The following CCDC33 variants were observed in gnomAD, a reference collection of about 807,000 sequenced individuals.
The protein encoded by CCDC33 is coiled-coil domain containing 33.
A neutral mutation model predicts 91.9 loss-of-function variants in CCDC33; 94 were observed. The ratio of observed to expected loss-of-function variants is 1.02; its 90% CI spans 0.87 to 1.21. The LOEUF (loss-of-function observed/expected upper bound fraction) is 1.21. Ranked by LOEUF, CCDC33 falls within the 50% of genes most tolerant of loss-of-function variation. CCDC33 has a pLI of 0.00. For missense variants in CCDC33, 940 were observed against 935.5 expected (o/e 1.00, Z -0.06); for synonymous variants, 396 against 374.5 (o/e 1.06, Z -0.66).
intron 2 of CCDC33, among the ~76,000 whole-genome samples, chr15:74,257,995 TGAG>T (rs890080161): frequency 2.6e-5 from 4 of 152,172 alleles, no homozygotes; most frequent in Admixed American, 1.3e-4. Flanking sequence ...GGAAGCAGGT[TGAG>T]GAGAATTGCC....
intron 11 of CCDC33, among the ~76,000 whole-genome samples, chr15:74,314,922 G>T (rs968106292): frequency 1.3e-5 from 2 of 152,188 alleles, no homozygotes; most frequent in Non-Finnish European, 2.9e-5. Flanking sequence ...AGCCAGGCAG[G>T]GCCCAGAGAA....
At chr15:74,273,830 ATTTTTT>A (rs34131427) in intron 7 of CCDC33, among the ~76,000 whole-genome samples, 1 of 132,468 alleles carries the variant, frequency 7.5e-6, no homozygotes, top group East Asian at 2.3e-4. Flanking sequence ...GCAGTCTTGA[ATTTTTT>A]TTTTTTTTTT....
chr15:74,256,784 T>A (rs1173902236), intron 2 of CCDC33, among the ~76,000 whole-genome samples: 1 of 152,200 alleles, frequency 6.6e-6, no homozygotes, highest in African/African-American at 2.4e-5. Flanking sequence ...GGTGCAACAA[T>A]GCCCAGAACA....
chr15:74,313,199 G>A (rs2060024051), intron 11 of CCDC33, among the ~76,000 whole-genome samples: 1 of 152,102 alleles, frequency 6.6e-6, no homozygotes. Context: ...GAGTGGGGTG[G>A]GTCATGGCCT....
upstream of CCDC33, chr15:74,213,203 G>C (rs1423764666): frequency 7.2e-6 from 1 of 139,328 alleles, no homozygotes. Context: ...GCGAGAGAGC[G>C]AGACTCTGTC....
Position 74,280,103 on chromosome 15 carries a change from C to G in CCDC33, c.889+11C>G. 6.2e-7 allele frequency: 1 copy of G among 1,613,766 alleles called. No homozygotes were observed. Reference sequence around the variant, plus strand: ...ACTCCTCAACTTCAAGTACGTGACCCCTGGTGCCTCGCCAGGGCAGCCATG... The same window carrying G: ...ACTCCTCAACTTCAAGTACGTGACCGCTGGTGCCTCGCCAGGGCAGCCATG... On this transcript the variant is annotated intron_variant, in intron 8 of 18. Coordinates refer to ENST00000398814, the MANE Select transcript of CCDC33 (RefSeq NM_025055.5).
intron 2 of CCDC33, among the ~76,000 whole-genome samples, chr15:74,228,777 C>T (rs2074877957): frequency 6.6e-6 from 1 of 152,250 alleles, no homozygotes; most frequent in Admixed American, 6.5e-5. Flanking sequence ...TTTCCAGGCT[C>T]CTCTCTTCCA....
At chr15:74,240,634 T>G (rs1488979202) in intron 1 of CCDC33, among the ~76,000 whole-genome samples, 1 of 152,108 alleles carries the variant, frequency 6.6e-6, no homozygotes, top group Non-Finnish European at 1.5e-5. Context: ...GGAGTCTCAC[T>G]CTATCACCCA....
chr15:74,327,042 G>A (rs55766734), intron 11 of CCDC33, among the ~76,000 whole-genome samples: 10,263 of 152,176 alleles, frequency 0.067, 725 homozygotes, highest in African/African-American at 0.18. Context: ...GGGAAAGCAG[G>A]TCCTTCAGTT....
At chr15:74,221,898 C>T (rs1333061116) in intron 2 of CCDC33, among the ~76,000 whole-genome samples, 1 of 152,146 alleles carries the variant, frequency 6.6e-6, no homozygotes, top group Non-Finnish European at 1.5e-5. Context: ...AGGTTTGAGA[C>T]CATAGAGCTA....
intron 1 of CCDC33, among the ~76,000 whole-genome samples, chr15:74,208,235 C>T (rs540672758): frequency 6.6e-6 from 1 of 152,216 alleles, no homozygotes; most frequent in African/African-American, 2.4e-5. Flanking sequence ...AGTAGTGAGG[C>T]CCCCATCAAG....
chr15:74,333,230 G>T (rs374939337), intron 16 of CCDC33: 1 of 1,593,384 alleles, frequency 6.3e-7, no homozygotes, highest in East Asian at 2.3e-5. Context: ...GGTGGACCCC[G>T]GGGAGTTGGG....
chr15:74,206,232 G>A (rs2074258896), intron 1 of CCDC33, among the ~76,000 whole-genome samples: 1 of 152,196 alleles, frequency 6.6e-6, no homozygotes, highest in Non-Finnish European at 1.5e-5. Context: ...GCCCCCAGCT[G>A]CCCTGCCCAG....
At position 74,281,780 on chromosome 15, in the gene CCDC33, C is replaced by T. The variant is rs1013659577; in HGVS notation, c.1026C>T (p.Asp342=). 1 of 1,613,652 alleles carries T rather than the reference C, an allele frequency of 6.2e-7. No individual in the cohort carries two copies. Among genetic ancestry groups the T allele is most frequent in the Non-Finnish European group, 8.5e-7 (1 of 1,179,770 alleles). ...GAGTGCTCCCTTTTCCTCCCCAGGACACCAGCCTGAAAACTATCAATGATG... is the reference window on the plus strand; with the variant it reads ...GAGTGCTCCCTTTTCCTCCCCAGGATACCAGCCTGAAAACTATCAATGATG... ...GLHVERLPIM[D]TSLKTINDEA... The change falls in exon 10 of 19, where the codon GAC becomes GAT. Residue 342 remains aspartate, a splice_region_variant and synonymous_variant. Coordinates refer to ENST00000398814, the MANE Select transcript of CCDC33 (RefSeq NM_025055.5).
chr15:74,224,020 T>C (rs527326945), intron 2 of CCDC33, among the ~76,000 whole-genome samples: 40 of 152,296 alleles, frequency 2.6e-4, no homozygotes, highest in African/African-American at 9.4e-4. Context: ...CGTTAAAAGC[T>C]ACCTGAGGTT....
intron 2 of CCDC33, among the ~76,000 whole-genome samples, chr15:74,230,031 G>A (rs1004605492): frequency 1.3e-5 from 2 of 152,220 alleles, no homozygotes; most frequent in African/African-American, 4.8e-5. Flanking sequence ...TGGGGAAGAG[G>A]GATGGCCCAG....
intron 5 of CCDC33, among the ~76,000 whole-genome samples, chr15:74,269,487 C>T (rs1012048422): frequency 3.3e-5 from 5 of 152,192 alleles, no homozygotes; most frequent in Non-Finnish European, 5.9e-5. Context: ...GACCTACAGG[C>T]GCCCTCTGCT....
upstream of CCDC33, among the ~76,000 whole-genome samples, chr15:74,214,359 TC>T (rs2074394585): frequency 6.6e-6 from 1 of 152,056 alleles, no homozygotes; most frequent in African/African-American, 2.4e-5. Flanking sequence ...CCTGCCTCCC[TC>T]CACTCACCCC....
chr15:74,257,422 C>G (rs2075900918), intron 2 of CCDC33, among the ~76,000 whole-genome samples: 1 of 152,228 alleles, frequency 6.6e-6, no homozygotes, highest in South Asian at 2.1e-4. Flanking sequence ...CCTCAGATCT[C>G]AGCTCCTCCT....
Sources: gnomAD v4.1 joint callset for allele counts (sites outside exome capture counted in the v4.1 genomes callset) on GRCh38, gnomAD v4.1.1 for gene constraint, MANE v1.5 for transcripts, NCBI Gene and HGNC (gene_info 2026-07-23, HGNC 2026-07-21) for gene names.